The following LRSAM1 variants were observed in gnomAD, a reference collection of about 807,000 sequenced individuals.
LRSAM1 encodes the protein E3 ubiquitin-protein ligase LRSAM1.
A neutral mutation model predicts 118.1 loss-of-function variants in LRSAM1; 96 were observed. The ratio of observed to expected loss-of-function variants is 0.81; its 90% CI spans 0.69 to 0.96. The LOEUF (loss-of-function observed/expected upper bound fraction) is 0.96, where lower values mean the gene tolerates loss of function less well. LRSAM1 is among the 40% of genes least tolerant of loss of function. The probability of loss-of-function intolerance (pLI) is 0.00; values close to 1 mark genes in which losing one functional copy is unlikely to be tolerated. For synonymous variants in LRSAM1, 322 were observed against 364.2 expected, an observed-to-expected ratio of 0.88 and a Z score of 1.32; for missense variants, 804 against 915.5, an observed-to-expected ratio of 0.88 and a Z score of 1.57.
chr9:127,476,680 T>C (rs74696201), intron 11 of LRSAM1, among the ~76,000 whole-genome samples: 7,201 of 152,212 alleles, frequency 0.047, 574 homozygotes, highest in African/African-American at 0.16. Flanking sequence ...AATTGTTTTC[T>C]TTTTTCTTTT....
At position 127,503,039 on chromosome 9, in the gene LRSAM1, C is replaced by T. The variant is rs1158554009; in HGVS notation, c.*140C>T. The T allele has an allele frequency of 1.3e-5, 15 of 1,138,394 alleles. No individual in the cohort carries two copies. Among genetic ancestry groups the T allele is most frequent in the Non-Finnish European group, 1.8e-5 (14 of 792,994 alleles). The allele number at this position is 1,138,394 out of a possible 1,614,324, so 70.5% of individuals were successfully genotyped here. A position where few individuals can be genotyped will look rare whatever the true frequency, so the allele number is the denominator to read the frequency against. On this transcript the variant is annotated 3_prime_UTR_variant, in exon 26 of 26. Transcript: ENST00000300417. ...CCCCTTCCCCACTGCCCAGGAGCCC[C>T]CATCCTAAGCTCCAAGCATGTCTGG...
At chr9:127,476,832 G>A (rs1375248653) in intron 11 of LRSAM1, among the ~76,000 whole-genome samples, 6 of 151,942 alleles carry the variant, frequency 3.9e-5, no homozygotes, top group African/African-American at 1.2e-4. Flanking sequence ...CTGCCACCAC[G>A]CCTGGCTAAG....
intron 10 of LRSAM1, among the ~76,000 whole-genome samples, chr9:127,471,766 G>T (rs982410716): frequency 6.6e-6 from 1 of 151,432 alleles, no homozygotes; most frequent in Non-Finnish European, 1.5e-5. Flanking sequence ...CAGCCTGGGC[G>T]ACAGAGCAAG....
chr9:127,500,672 G>A (rs917482446), intron 24 of LRSAM1, among the ~76,000 whole-genome samples: 3 of 152,228 alleles, frequency 2.0e-5, no homozygotes, highest in South Asian at 4.1e-4. Flanking sequence ...CCCCGTCTCT[G>A]AGCCTCAAAT....
intron 10 of LRSAM1, 116 bp from the exon 11 acceptor site, chr9:127,473,685 A>C: frequency 7.0e-7 from 1 of 1,419,478 alleles, no homozygotes; most frequent in Non-Finnish European, 9.9e-7. Context: ...GCTAGGGAAG[A>C]GGAGAGCAGT....
chr9:127,483,825 G>C (rs369062223), intron 16 of LRSAM1, among the ~76,000 whole-genome samples: 8 of 152,052 alleles, frequency 5.3e-5, no homozygotes, highest in African/African-American at 1.7e-4. Flanking sequence ...ACCACACCAG[G>C]CTAATTTTTG....
chr9:127,494,299 G>T (rs953121341), intron 21 of LRSAM1, among the ~76,000 whole-genome samples: 2 of 152,240 alleles, frequency 1.3e-5, no homozygotes, highest in Non-Finnish European at 2.9e-5. Flanking sequence ...AGAAACGCCT[G>T]TGTTGATCCC....
At chr9:127,459,951 A>G (rs1416698985) in intron 7 of LRSAM1, among the ~76,000 whole-genome samples, 1 of 152,134 alleles carries the variant, frequency 6.6e-6, no homozygotes, top group East Asian at 1.9e-4. Flanking sequence ...TTCATCAAAT[A>G]TTCATCTTAT....
At chr9:127,497,403 T>C in intron 24 of LRSAM1, 69 bp downstream of exon 24, 1 of 1,472,700 alleles carries the variant, frequency 6.8e-7, no homozygotes, top group Non-Finnish European at 9.4e-7. Context: ...GTGGGGACAG[T>C]CATTTGCTTA....
At chr9:127,467,968 G>A (rs1299055730) in intron 10 of LRSAM1, 138 bp downstream of exon 10, 1 of 804,160 alleles carries the variant, frequency 1.2e-6, no homozygotes, top group East Asian at 2.7e-5. Flanking sequence ...GGTCTGGCAA[G>A]GGAAACAGGC....
Position 127,460,847 on chromosome 9 carries a change from C to CT in LRSAM1, c.322-300dup, listed in dbSNP as rs58140930. Among the ~76,000 whole-genome samples the CT allele has an allele frequency of 7.2e-3, 555 of 77,416 alleles. 77 individuals carry two copies. The highest frequency in any genetic ancestry group is 0.026 in the East Asian group (65 of 2,474). The allele number at this position is 77,416 out of a possible 152,430, so 50.8% of individuals were successfully genotyped here. A position where few individuals can be genotyped will look rare whatever the true frequency, so the allele number is the denominator to read the frequency against. ...TCGTGTCACCTCTTCCTGTTTCTTT[C>CT]TTTTTTTTTTTTTTTTTTTTTTTTT... On this transcript the variant is annotated intron_variant, in intron 7 of 25. Transcript: ENST00000300417.
At chr9:127,455,669 G>C in intron 5 of LRSAM1, 49 bp downstream of exon 5, 1 of 1,583,412 alleles carries the variant, frequency 6.3e-7, no homozygotes, top group Middle Eastern at 1.7e-4. Context: ...ATGTCTGCTT[G>C]TTTGAACCCA....
intron 9 of LRSAM1, among the ~76,000 whole-genome samples, chr9:127,462,769 C>G (rs1003815429): frequency 2.0e-5 from 3 of 151,778 alleles, no homozygotes; most frequent in Non-Finnish European, 2.9e-5. Context: ...CAGCAAACCA[C>G]CGTGGCACAT....
chr9:127,489,052 AG>A (rs569541589), intron 18 of LRSAM1, among the ~76,000 whole-genome samples: 94 of 152,256 alleles, frequency 6.2e-4, no homozygotes, highest in South Asian at 3.7e-3. Flanking sequence ...AGCTTGTCTG[AG>A]GAAAATTCTC....
intron 2 of LRSAM1, 26 bp from the exon 3 acceptor site, chr9:127,454,470 T>C: frequency 1.3e-6 from 2 of 1,582,338 alleles, no homozygotes; most frequent in Non-Finnish European, 1.7e-6. Context: ...AATTCCCCAG[T>C]CCCTAACTTC....
intron 11 of LRSAM1, 59 bp downstream of exon 11, chr9:127,473,990 G>T: frequency 6.2e-7 from 1 of 1,611,786 alleles, no homozygotes; most frequent in Non-Finnish European, 8.5e-7. Context: ...GCATGTATGT[G>T]TGTTGAGGGA....
intron 9 of LRSAM1, among the ~76,000 whole-genome samples, chr9:127,464,816 T>A (rs1212251758): frequency 6.6e-6 from 1 of 151,938 alleles, no homozygotes; most frequent in South Asian, 2.1e-4. Context: ...CTAATTTTTT[T>A]ATTTTTTGTA....
chr9:127,457,447 A>C (rs1834562716), intron 6 of LRSAM1, 54 bp downstream of exon 6: 1 of 1,562,972 alleles, frequency 6.4e-7, no homozygotes, highest in Non-Finnish European at 8.8e-7. Flanking sequence ...TCCACGCGGC[A>C]GCTGAGCGCC....
chr9:127,479,247 TG>T (rs1230867393), intron 12 of LRSAM1, 135 bp from the exon 13 acceptor site: 18 of 1,296,492 alleles, frequency 1.4e-5, no homozygotes, highest in Middle Eastern at 2.0e-4. Flanking sequence ...AGTTGGGCCC[TG>T]GAGGGGAGTG....
Sources: allele counts gnomAD v4.1 joint callset (sites outside exome capture counted in the v4.1 genomes callset), GRCh38; gene constraint gnomAD v4.1.1; transcripts MANE v1.5; gene names NCBI Gene and HGNC (gene_info 2026-07-23, HGNC 2026-07-21).